Variants in ACACA observed in about 807,000 individuals in gnomAD.
The protein encoded by ACACA is acetyl-CoA carboxylase alpha.
A neutral mutation model predicts 296.1 loss-of-function variants in ACACA; 103 were observed. The observed-to-expected ratio is 0.35, with a 90% confidence interval of 0.30 to 0.41. The LOEUF is 0.41. Ranked by LOEUF, ACACA falls within the 10% of genes least tolerant of loss-of-function variation. ACACA has a pLI of 1.00. For synonymous variants in ACACA, 953 were observed against 1,038.6 expected, an observed-to-expected ratio of 0.92 and a Z score of 1.58; for missense variants, 1,554 against 2,989.7, an observed-to-expected ratio of 0.52 and a Z score of 11.20.
chr17:37,380,886 G>A (rs901407188), intron 1 of ACACA, among the ~76,000 whole-genome samples: 8 of 149,128 alleles, frequency 5.4e-5, no homozygotes, highest in African/African-American at 2.0e-4. Flanking sequence ...GTGAGCCACC[G>A]TGCCTGGCCA....
intron 39 of ACACA, among the ~76,000 whole-genome samples, chr17:37,183,535 T>C (rs930429844): frequency 1.3e-5 from 2 of 151,908 alleles, no homozygotes; most frequent in African/African-American, 4.8e-5. Context: ...AATTAGACAA[T>C]GAGAACTAGA....
Position 37,284,933 on chromosome 17 carries a change from G to A in ACACA, c.376C>T (p.Arg126Ter). 5 of 1,613,934 alleles carry A rather than the reference G, an allele frequency of 3.1e-6. No individual in the cohort carries two copies. Among genetic ancestry groups the A allele is most frequent in the Non-Finnish European group, 4.2e-6 (5 of 1,179,998 alleles). The part of the protein sequence containing the change: ...MSGLHLVKQG[R>*]DRKKIDSQRD... ...TGAGAATCTATTTTCTTTCTGTCTC[G>A]GCCCTGCTTTACTAGGTGCAAGCCA... The change falls in exon 4 of 56, where the codon CGA becomes TGA. Residue 126 changes from arginine to a stop codon, truncating the protein, a stop_gained. Transcript: ENST00000616317. LOFTEE classifies it high-confidence loss of function.
In ACACA at chr17:37,382,845, C is replaced by T. The variant is rs141162910; in HGVS notation, c.38+23417G>A. On this transcript the variant is annotated intron_variant, in intron 1 of 55. Coordinates refer to ENST00000616317, the MANE Select transcript of ACACA (RefSeq NM_198834.3). Reference sequence around the variant, plus strand: ...ACTGCACTCCAGCCTGGCGACAGAGCGAGACTCTGTCTCAAAAAACAAAAC... The same window carrying T: ...ACTGCACTCCAGCCTGGCGACAGAGTGAGACTCTGTCTCAAAAAACAAAAC... Among the ~76,000 whole-genome samples the T allele has an allele frequency of 5.8e-3, 874 of 151,920 alleles. 4 individuals are homozygous for T. The highest frequency in any genetic ancestry group is 0.016 in the South Asian group (77 of 4,798).
chr17:37,296,485 T>C (rs139986980), intron 3 of ACACA, among the ~76,000 whole-genome samples: 2,171 of 151,900 alleles, frequency 0.014, 31 homozygotes, highest in Non-Finnish European at 0.025. Flanking sequence ...TTTTGTATTT[T>C]TAGTAGAGAT....
At chr17:37,255,701 C>T (rs1053636261) in intron 14 of ACACA, among the ~76,000 whole-genome samples, 3 of 152,142 alleles carry the variant, frequency 2.0e-5, no homozygotes, top group African/African-American at 4.8e-5. Context: ...TATGTCCCGT[C>T]GAAAAGAAGC....
chr17:37,375,975 C>G (rs1281153553), intron 1 of ACACA: 1 of 756,592 alleles, frequency 1.3e-6, no homozygotes, highest in African/African-American at 1.7e-5. Flanking sequence ...GAATCAGAGT[C>G]TCTCAGGGTC....
At chr17:37,242,672 AGCGAGCCATGACCGCACCACT>A (rs1404000842) in intron 22 of ACACA, among the ~76,000 whole-genome samples, 1 of 152,176 alleles carries the variant, frequency 6.6e-6, no homozygotes, top group East Asian at 1.9e-4. Context: ...TCAAGGCTAC[AGCGAGCCATGACCGCACCACT>A]GCACTCCAGC....
At chr17:37,405,834 G>A (rs2051471356) in intron 1 of ACACA, among the ~76,000 whole-genome samples, 1 of 148,188 alleles carries the variant, frequency 6.7e-6, no homozygotes, top group South Asian at 2.1e-4. Flanking sequence ...TTACAGGCGT[G>A]AGCCACCGCG....
chr17:37,160,382 AT>A (rs2076413281), intron 42 of ACACA, among the ~76,000 whole-genome samples: 1 of 152,226 alleles, frequency 6.6e-6, no homozygotes, highest in Admixed American at 6.5e-5. Flanking sequence ...GGCACAACGG[AT>A]GCAGGTACAT....
chr17:37,236,133 A>G (rs1242538469), intron 24 of ACACA, among the ~76,000 whole-genome samples: 1 of 152,204 alleles, frequency 6.6e-6, no homozygotes, highest in South Asian at 2.1e-4. Flanking sequence ...CTGCATTATC[A>G]TGGTTTCCTA....
chr17:37,345,547 A>C (rs1232818588), intron 1 of ACACA, among the ~76,000 whole-genome samples: 1 of 152,206 alleles, frequency 6.6e-6, no homozygotes, highest in Non-Finnish European at 1.5e-5. Flanking sequence ...AAAAACTTCA[A>C]CATGAAAGAC....
intron 10 of ACACA, among the ~76,000 whole-genome samples, chr17:37,269,245 AT>A (rs912568520): frequency 6.6e-6 from 1 of 152,184 alleles, no homozygotes. Flanking sequence ...AAGTGCTAGG[AT>A]TATAGGCATA....
intron 33 of ACACA, among the ~76,000 whole-genome samples, chr17:37,202,033 T>A (rs1421246885): frequency 1.3e-5 from 2 of 152,146 alleles, no homozygotes; most frequent in African/African-American, 4.8e-5. Context: ...ATTAAAAAAT[T>A]ATTTGTACTG....
In ACACA at chr17:37,404,892, T is replaced by C. The variant is rs148493092; in HGVS notation, c.38+1370A>G. On this transcript the variant is annotated intron_variant, in intron 1 of 55. Coordinates refer to ENST00000616317, the MANE Select transcript of ACACA (RefSeq NM_198834.3). Reference sequence around the variant, plus strand: ...CGCTCCCAGCCCACAGTGATCCTTTTACAGCAAAGCTACTCCTTTGCTCTC... The same window carrying C: ...CGCTCCCAGCCCACAGTGATCCTTTCACAGCAAAGCTACTCCTTTGCTCTC... 7.8e-3 allele frequency among the ~76,000 whole-genome samples: 1,182 copies of C among 152,244 alleles called. 10 individuals are homozygous for C. The highest frequency in any genetic ancestry group is 0.013 in the Non-Finnish European group (897 of 68,006).
chr17:37,155,632 A>T (rs564714020), intron 43 of ACACA, 51 bp downstream of exon 43: 5 of 1,218,912 alleles, frequency 4.1e-6, no homozygotes, highest in South Asian at 2.4e-5. Context: ...AAAATACCAT[A>T]TTCTCCTTTC....
At chr17:37,160,802 T>G (rs1367717778) in intron 42 of ACACA, among the ~76,000 whole-genome samples, 2 of 151,688 alleles carry the variant, frequency 1.3e-5, no homozygotes, top group African/African-American at 4.8e-5. Flanking sequence ...TGAAATGAGG[T>G]GTAAGGAGGG....
chr17:37,229,321 T>G (rs2079720367), intron 25 of ACACA, among the ~76,000 whole-genome samples: 1 of 152,058 alleles, frequency 6.6e-6, no homozygotes, highest in South Asian at 2.1e-4. Context: ...GTTTTGTTTT[T>G]AAGACGGAGT....
intron 50 of ACACA, among the ~76,000 whole-genome samples, chr17:37,118,058 G>A (rs1399979531): frequency 6.6e-6 from 1 of 152,188 alleles, no homozygotes; most frequent in Non-Finnish European, 1.5e-5. Context: ...CCCTTTACAT[G>A]AGATAATACA....
At chr17:37,180,281 G>T (rs905433152) in intron 40 of ACACA, among the ~76,000 whole-genome samples, 1 of 152,160 alleles carries the variant, frequency 6.6e-6, no homozygotes, top group Admixed American at 6.5e-5. Flanking sequence ...CTATAAAAGG[G>T]AAATACCGAA....
Sources: gnomAD v4.1 joint callset for allele counts (sites outside exome capture counted in the v4.1 genomes callset) on GRCh38, gnomAD v4.1.1 for gene constraint, MANE v1.5 for transcripts, NCBI Gene and HGNC (gene_info 2026-07-23, HGNC 2026-07-21) for gene names.